PRCP: variants seen among roughly 807,000 people sequenced by gnomAD.
The protein encoded by PRCP is lysosomal Pro-X carboxypeptidase.
A neutral mutation model predicts 54.2 loss-of-function variants in PRCP; 46 were observed. The ratio of observed to expected loss-of-function variants is 0.85; its 90% CI spans 0.67 to 1.09. PRCP has a LOEUF of 1.09. Ranked by LOEUF, PRCP falls within the 50% of genes least tolerant of loss-of-function variation. The pLI is 0.00. For missense variants in PRCP, 613 were observed against 596.8 expected, an observed-to-expected ratio of 1.03 and a Z score of -0.28; for synonymous variants, 240 against 212.2, an observed-to-expected ratio of 1.13 and a Z score of -1.14.
chr11:82,899,281 C>T (rs533029281), intron 1 of PRCP, among the ~76,000 whole-genome samples: 1 of 152,158 alleles, frequency 6.6e-6, no homozygotes, highest in Non-Finnish European at 1.5e-5. Context: ...GCTAAGAGTA[C>T]GTTATCTGCT....
chr11:82,892,356 A>C (rs1437973685), intron 1 of PRCP, among the ~76,000 whole-genome samples: 1 of 152,230 alleles, frequency 6.6e-6, no homozygotes, highest in Non-Finnish European at 1.5e-5. Context: ...TAGATAATCA[A>C]TAAATGTTCA....
chr11:82,856,260 A>C (rs1859079540), intron 2 of PRCP, among the ~76,000 whole-genome samples: 1 of 152,236 alleles, frequency 6.6e-6, no homozygotes, highest in African/African-American at 2.4e-5. Context: ...AAGACACAGA[A>C]TCAACCTAGA....
chr11:82,861,592 T>C (rs1859209129), intron 1 of PRCP, among the ~76,000 whole-genome samples: 1 of 152,162 alleles, frequency 6.6e-6, no homozygotes, highest in Non-Finnish European at 1.5e-5. Context: ...CTATGACGTA[T>C]TCCTGCCGAA....
intron 1 of PRCP, among the ~76,000 whole-genome samples, chr11:82,876,513 A>C (rs1347320724): frequency 6.6e-6 from 1 of 151,998 alleles, no homozygotes; most frequent in Non-Finnish European, 1.5e-5. Context: ...ATCTCCCAGA[A>C]CTCCCACGTG....
chr11:82,890,213 C>A (rs1174632084), intron 1 of PRCP, among the ~76,000 whole-genome samples: 1 of 152,176 alleles, frequency 6.6e-6, no homozygotes, highest in African/African-American at 2.4e-5. Context: ...GCAATCAAAC[C>A]ATATGCCCCT....
At chr11:82,831,385 A>T (rs2121065066) in intron 8 of PRCP, 1 of 152,362 alleles carries the variant, frequency 6.6e-6, no homozygotes, top group African/African-American at 2.4e-5. Context: ...CTGATTGGGC[A>T]CGGGACTCCA....
In PRCP at chr11:82,838,526, T is replaced by G. The variant is rs201491332; in HGVS notation, c.1135A>C (p.Met379Leu). The G allele has an allele frequency of 6.3e-5, 102 of 1,613,966 alleles. No homozygotes were observed. Among genetic ancestry groups the G allele is most frequent in the Non-Finnish European group, 8.6e-5 (102 of 1,179,966 alleles). The change falls in exon 8 of 9, where the codon ATG (methionine) becomes CTG (leucine). Residue 379 changes from methionine to leucine, a missense_variant. Coordinates refer to ENST00000313010, the MANE Select transcript of PRCP (RefSeq NM_005040.4). ...MPFCTNGVDD[M>L]FEPHSWNLKE... ...AAGTTCCATGAGTGAGGTTCAAACA[T>G]GTCATCGACACCATTAGTACAAAAG...
At chr11:82,852,057 G>C (rs1213664028) in intron 3 of PRCP, among the ~76,000 whole-genome samples, 1 of 152,142 alleles carries the variant, frequency 6.6e-6, no homozygotes, top group East Asian at 1.9e-4. Context: ...GCTCCATTTT[G>C]CTAACACAGT....
chr11:82,838,331 G>C, intron 8 of PRCP, 56 bp downstream of exon 8: 1 of 1,487,682 alleles, frequency 6.7e-7, no homozygotes, highest in South Asian at 1.3e-5. Context: ...TGTTTTTTCA[G>C]ATATTCTACA....
rs1188611792 is a variant in PRCP at position 82,824,225 on chromosome 11, A to G, written c.*681T>C. 6.6e-6 allele frequency: 1 copy of G among 152,322 alleles called. No homozygotes were observed. The highest frequency in any genetic ancestry group is 1.5e-5 in the Non-Finnish European group (1 of 68,100). The allele number at this position is 152,322 out of a possible 1,614,324, so 9.4% of individuals were successfully genotyped here. A position where few individuals can be genotyped will look rare whatever the true frequency, so the allele number is the denominator to read the frequency against. ...CCAGATTTCTTACTGGCAGTACCACAGTGGCCAACATCCCAGAACTAAGAA... is the reference window on the plus strand; with the variant it reads ...CCAGATTTCTTACTGGCAGTACCACGGTGGCCAACATCCCAGAACTAAGAA... On this transcript the variant is annotated 3_prime_UTR_variant, in exon 9 of 9. Transcript: ENST00000313010.
chr11:82,852,050 C>CTTTTTATAGTAT (rs1858971478), intron 3 of PRCP, among the ~76,000 whole-genome samples: 1 of 152,176 alleles, frequency 6.6e-6, no homozygotes, highest in Non-Finnish European at 1.5e-5. Flanking sequence ...GCCCCTGGCT[C>CTTTTTATAGTAT]CATTTTGCTA....
Position 82,860,063 on chromosome 11 carries a change from C to A in PRCP, c.223G>T (p.Ala75Ser). Residue 75 changes from alanine to serine, a missense_variant, in exon 2 of 9, where the codon GCT becomes TCT. By Grantham distance (99) the Ala-to-Ser change is moderately conservative. Transcript: ENST00000313010. ...CCATTTTTCTTCCAGTATTTATCAG[C>A]TACTAGGTACCGCTGATTAAAAGTT... ...VKTFNQRYLV[A>S]DKYWKKNGGS... The A allele has an allele frequency of 6.3e-7, 1 of 1,585,222 alleles. No individual in the cohort carries two copies. The highest frequency in any genetic ancestry group is 1.2e-5 in the South Asian group (1 of 86,630).
chr11:82,852,557 G>A (rs1192888699), intron 3 of PRCP, among the ~76,000 whole-genome samples: 1 of 152,118 alleles, frequency 6.6e-6, no homozygotes, highest in Non-Finnish European at 1.5e-5. Flanking sequence ...AAAATATTAG[G>A]TAAATAATAG....
chr11:82,878,719 G>GTAT, intron 1 of PRCP, among the ~76,000 whole-genome samples: 1 of 152,132 alleles, frequency 6.6e-6, no homozygotes, highest in East Asian at 1.9e-4. Flanking sequence ...CTTCAGGAAC[G>GTAT]CTTGTAGGGC....
intron 1 of PRCP, among the ~76,000 whole-genome samples, chr11:82,883,415 G>A (rs555798141): frequency 1.3e-5 from 2 of 152,210 alleles, no homozygotes; most frequent in African/African-American, 4.8e-5. Context: ...AATATACTGT[G>A]TACAAAATAA....
At chr11:82,835,834 C>T (rs184932429) in intron 8 of PRCP, 3 of 503,766 alleles carry the variant, frequency 6.0e-6, no homozygotes, top group African/African-American at 1.9e-5. Context: ...CAGAGGAGGA[C>T]CTTGACATTA....
chr11:82,836,703 C>G (rs1258264385), intron 8 of PRCP, among the ~76,000 whole-genome samples: 3 of 152,106 alleles, frequency 2.0e-5, no homozygotes. Flanking sequence ...TACATGCCAC[C>G]ATGCCAACTA....
chr11:82,893,865 A>C (rs1860058105), intron 1 of PRCP, among the ~76,000 whole-genome samples: 1 of 152,230 alleles, frequency 6.6e-6, no homozygotes, highest in East Asian at 1.9e-4. Flanking sequence ...ATAGAACAGT[A>C]ATAGGGATTA....
chr11:82,839,648 G>T (rs1858613064), intron 6 of PRCP: 3 of 522,458 alleles, frequency 5.7e-6, no homozygotes, highest in Non-Finnish European at 9.9e-6. Context: ...CATTTGCATG[G>T]TATGCAAAGT....
Sources: allele counts gnomAD v4.1 joint callset (sites outside exome capture counted in the v4.1 genomes callset), GRCh38; gene constraint gnomAD v4.1.1; transcripts MANE v1.5; gene names NCBI Gene and HGNC (gene_info 2026-07-23, HGNC 2026-07-21).